GLB1L3: variants seen among roughly 807,000 people sequenced by gnomAD.
GLB1L3 encodes galactosidase beta 1 like 3, also known as beta-galactosidase-1-like protein 3.
A neutral mutation model predicts 89.5 loss-of-function variants in GLB1L3; 89 were observed. The ratio of observed to expected loss-of-function variants is 0.99; its 90% CI spans 0.84 to 1.19. The LOEUF is 1.19. GLB1L3 is among the 50% of genes most tolerant of loss of function. GLB1L3 has a pLI of 0.00. For synonymous variants in GLB1L3, 314 were observed against 312.3 expected, an observed-to-expected ratio of 1.01 and a Z score of -0.06; for missense variants, 812 against 813.3, an observed-to-expected ratio of 1.00 and a Z score of 0.02.
intron 1 of GLB1L3, 63 bp downstream of exon 1, chr11:134,276,826 A>G: frequency 7.7e-7 from 1 of 1,291,426 alleles, no homozygotes; most frequent in Non-Finnish European, 9.9e-7. Flanking sequence ...GGGAGCCTCC[A>G]CCCTCCCCGG....
At chr11:134,319,762 A>ATG (rs147678165), downstream of GLB1L3, among the ~76,000 whole-genome samples, 38 of 144,924 alleles carry the variant, frequency 2.6e-4, no homozygotes, top group African/African-American at 9.2e-4. Context: ...GCGCGCGTGC[A>ATG]TGTGTGTGTG....
At chr11:134,276,280 C>G (rs993641492), upstream of GLB1L3, 2 of 156,264 alleles carry the variant, frequency 1.3e-5, no homozygotes, top group African/African-American at 4.8e-5. Context: ...GTGGAACCCT[C>G]GTTTTAGGAT....
chr11:134,323,375 G>A (rs962349794), downstream of GLB1L3, among the ~76,000 whole-genome samples: 2 of 109,076 alleles, frequency 1.8e-5, no homozygotes, highest in African/African-American at 3.8e-5. Context: ...ACACACATGC[G>A]TGCGCACACA....
chr11:134,277,212 C>T (rs774297833), intron 1 of GLB1L3, 114 bp from the exon 2 acceptor site: 1 of 1,361,098 alleles, frequency 7.3e-7, no homozygotes, highest in Non-Finnish European at 1.0e-6. Flanking sequence ...GCCTGTGTCG[C>T]GGGCCCCCTC....
intron 2 of GLB1L3, 49 bp from the exon 3 acceptor site, chr11:134,277,651 C>G (rs1172295542): frequency 3.8e-6 from 6 of 1,564,982 alleles, no homozygotes; most frequent in Non-Finnish European, 5.2e-6. Flanking sequence ...AGCCCTCTCC[C>G]GAATCCTCTC....
intron 10 of GLB1L3, 132 bp from the exon 11 acceptor site, chr11:134,309,494 G>A (rs1591583681): frequency 4.0e-6 from 2 of 494,048 alleles, no homozygotes; most frequent in East Asian, 6.7e-5. Flanking sequence ...TCCCAAGAAT[G>A]TATATAGCCG....
At chr11:134,281,239 G>A (rs1940668045) in intron 3 of GLB1L3, 138 bp from the exon 4 acceptor site, 17 of 953,896 alleles carry the variant, frequency 1.8e-5, no homozygotes, top group Middle Eastern at 2.1e-4. Flanking sequence ...GTGTAACAGA[G>A]GTTTAATTTC....
At chr11:134,279,949 CCTT>C (rs1382558208) in intron 3 of GLB1L3, among the ~76,000 whole-genome samples, 12 of 152,094 alleles carry the variant, frequency 7.9e-5, no homozygotes, top group Middle Eastern at 3.4e-3. Context: ...TCCTCCTCCT[CCTT>C]CTTCTTTTTC....
In GLB1L3 at chr11:134,292,070, G is replaced by A; in HGVS notation, c.730-62G>A. On this transcript the variant is annotated intron_variant, in intron 7 of 19. Coordinates refer to ENST00000431683, the MANE Select transcript of GLB1L3 (RefSeq NM_001080407.3). ...AACCCATGAATATGGGGAGCTGTATGTATTTCTTTTTTCCCATGGGAATGA... is the reference window on the plus strand; with the variant it reads ...AACCCATGAATATGGGGAGCTGTATATATTTCTTTTTTCCCATGGGAATGA... The A allele has an allele frequency of 4.6e-6, 5 of 1,095,948 alleles. No homozygotes were observed. In the Middle Eastern group the frequency reaches 5.9e-4, roughly 129 times the overall value. 67.9% of individuals were successfully genotyped at this position (1,095,948 alleles called of 1,614,324 possible).
rs1056328986 is a variant in GLB1L3 at position 134,319,175 on chromosome 11, C to G, written c.*233C>G. 4 of 469,722 alleles carry G rather than the reference C, an allele frequency of 8.5e-6. No homozygotes were observed. In the Admixed American group the frequency reaches 1.1e-4, roughly 13 times the overall value. The allele number at this position is 469,722 out of a possible 1,614,324, so 29.1% of individuals were successfully genotyped here. A position where few individuals can be genotyped will look rare whatever the true frequency, so the allele number is the denominator to read the frequency against. ...TTCACCAAGTTAGCCAGGATGGTCC[C>G]AATCTCCTGACCTTGTGATCTGCTC... is the stretch of plus-strand genomic sequence containing the variant. On this transcript the variant is annotated 3_prime_UTR_variant, in exon 20 of 20. Coordinates refer to ENST00000431683, the MANE Select transcript of GLB1L3 (RefSeq NM_001080407.3).
intron 18 of GLB1L3, among the ~76,000 whole-genome samples, chr11:134,317,533 T>C (rs1231757360): frequency 1.3e-5 from 2 of 152,194 alleles, no homozygotes; most frequent in East Asian, 3.8e-4. Context: ...ATCAGTTTCT[T>C]TCTTAAATGC....
intron 14 of GLB1L3, 39 bp downstream of exon 14, chr11:134,312,528 A>G: frequency 1.2e-6 from 2 of 1,603,192 alleles, no homozygotes; most frequent in Non-Finnish European, 1.7e-6. Flanking sequence ...AGCAAAGTGC[A>G]TCACCTCCCC....
In GLB1L3 at chr11:134,288,907, T is replaced by C. The variant is rs1356049045; in HGVS notation, c.729+17T>C. 3.8e-6 allele frequency: 6 copies of C among 1,576,464 alleles called. No homozygotes were observed. Among genetic ancestry groups the C allele is most frequent in the Admixed American group, 3.4e-5 (2 of 58,694 alleles). The stretch of plus-strand genomic sequence containing the variant: ...CTCCACAAGGTAAGAGGGCCTTGGT[T>C]TGGCCCCATGTTTACATGCCTCCTT... On this transcript the variant is annotated intron_variant, in intron 7 of 19. Transcript: ENST00000431683.
At chr11:134,308,866 A>G (rs1019015569) in intron 10 of GLB1L3, among the ~76,000 whole-genome samples, 3 of 152,244 alleles carry the variant, frequency 2.0e-5, no homozygotes, top group Non-Finnish European at 4.4e-5. Context: ...GCCCCAGGTC[A>G]TACAAATAGT....
At chr11:134,286,647 G>T (rs1444957526) in intron 6 of GLB1L3, among the ~76,000 whole-genome samples, 1 of 151,370 alleles carries the variant, frequency 6.6e-6, no homozygotes, top group Admixed American at 6.6e-5. Context: ...CGTGGTGGCG[G>T]GCGCCTGTAG....
intron 9 of GLB1L3, 26 bp from the exon 10 acceptor site, chr11:134,307,096 CTT>C: frequency 6.4e-7 from 1 of 1,571,040 alleles, no homozygotes; most frequent in South Asian, 1.1e-5. Flanking sequence ...TTTTGCCAGA[CTT>C]AGTATTTGCT....
At chr11:134,283,984 C>A in intron 6 of GLB1L3, 139 bp downstream of exon 6, 1 of 632,678 alleles carries the variant, frequency 1.6e-6, no homozygotes. Flanking sequence ...GTTCTGGACC[C>A]TTGGCTTGAG....
At chr11:134,276,879 G>A in intron 1 of GLB1L3, 116 bp downstream of exon 1, 1 of 948,974 alleles carries the variant, frequency 1.1e-6, no homozygotes, top group Non-Finnish European at 1.4e-6. Context: ...GCCGCGCCGG[G>A]CCGCGCCACC....
chr11:134,289,260 C>T (rs1390945506), intron 7 of GLB1L3, among the ~76,000 whole-genome samples: 1 of 151,940 alleles, frequency 6.6e-6, no homozygotes, highest in Non-Finnish European at 1.5e-5. Flanking sequence ...TCTCATTAAG[C>T]AGAAATGGAT....
Sources: allele counts gnomAD v4.1 joint callset (sites outside exome capture counted in the v4.1 genomes callset), GRCh38; gene constraint gnomAD v4.1.1; transcripts MANE v1.5; gene names NCBI Gene and HGNC (gene_info 2026-07-23, HGNC 2026-07-21).